Variants in CWC27 observed in about 807,000 individuals in gnomAD.
CWC27 encodes CWC27 spliceosome associated cyclophilin.
Under a neutral mutation model 63.6 loss-of-function variants are expected in CWC27, and 47 were observed. The observed-to-expected ratio is 0.74, with a 90% confidence interval of 0.58 to 0.94. The LOEUF (loss-of-function observed/expected upper bound fraction) is 0.94, where lower values mean the gene tolerates loss of function less well. CWC27 is among the 40% of genes least tolerant of loss of function. The pLI is 0.00. For synonymous variants in CWC27, 175 were observed against 179.8 expected (o/e 0.97, Z 0.22); for missense variants, 495 against 554.3 (o/e 0.89, Z 1.07).
intron 11 of CWC27, among the ~76,000 whole-genome samples, chr5:64,917,636 C>G (rs761810566): frequency 2.0e-5 from 3 of 152,068 alleles, no homozygotes; most frequent in Non-Finnish European, 4.4e-5. Flanking sequence ...AATTGAGGGC[C>G]TGAATAGAAC....
intron 11 of CWC27, among the ~76,000 whole-genome samples, chr5:64,923,033 C>T (rs1372070311): frequency 1.3e-5 from 2 of 152,136 alleles, no homozygotes; most frequent in African/African-American, 2.4e-5. Flanking sequence ...CAACAGTACT[C>T]TGTTGAGGGT....
At chr5:64,781,860 T>C in intron 2 of CWC27, 61 bp from the exon 3 acceptor site, 1 of 792,282 alleles carries the variant, frequency 1.3e-6, no homozygotes, top group Non-Finnish European at 2.0e-6. Context: ...TGTATTAATT[T>C]TGGTAACTGT....
At chr5:64,917,422 C>T (rs1747910998) in intron 11 of CWC27, among the ~76,000 whole-genome samples, 1 of 152,070 alleles carries the variant, frequency 6.6e-6, no homozygotes, top group South Asian at 2.1e-4. Context: ...GTTAGTTTTT[C>T]CAAGGAAGGA....
intron 13 of CWC27, among the ~76,000 whole-genome samples, chr5:64,999,955 C>T (rs896599991): frequency 6.6e-6 from 1 of 152,074 alleles, no homozygotes. Context: ...TTCACACCAA[C>T]AGTGTATAAG....
At chr5:64,818,790 G>A (rs1201481751) in intron 10 of CWC27, among the ~76,000 whole-genome samples, 5 of 152,176 alleles carry the variant, frequency 3.3e-5, no homozygotes, top group African/African-American at 4.8e-5. Flanking sequence ...GGATAACATT[G>A]CAGTTATTCA....
intron 11 of CWC27, among the ~76,000 whole-genome samples, chr5:64,898,292 A>G (rs1747426265): frequency 6.6e-6 from 1 of 152,296 alleles, no homozygotes; most frequent in Non-Finnish European, 1.5e-5. Flanking sequence ...GGAAATTACT[A>G]TAGAAGTTCC....
At chr5:64,887,663 A>G (rs1407549171) in intron 11 of CWC27, among the ~76,000 whole-genome samples, 1 of 152,124 alleles carries the variant, frequency 6.6e-6, no homozygotes, top group Non-Finnish European at 1.5e-5. Context: ...GATTCCTAAA[A>G]TTTTACTATG....
Position 64,788,943 on chromosome 5 carries a change from TGGA to T in CWC27, c.600-7_600-5del. ...TCTTTTTTTTTTTCTTTCTTTTTTT[TGGA>T]CTAGAAATTTTAGTTTACTTTCATT... On this transcript the variant is annotated splice_region_variant and splice_polypyrimidine_tract_variant and intron_variant, in intron 6 of 13. Coordinates refer to ENST00000381070, the MANE Select transcript of CWC27 (RefSeq NM_005869.4). 1 of 1,560,308 alleles carries T rather than the reference TGGA, an allele frequency of 6.4e-7. No individual in the cohort carries two copies. Among genetic ancestry groups the T allele is most frequent in the Non-Finnish European group, 8.7e-7 (1 of 1,151,158 alleles).
chr5:64,785,954 G>A (rs1173475441), intron 5 of CWC27, among the ~76,000 whole-genome samples: 3 of 151,906 alleles, frequency 2.0e-5, no homozygotes, highest in Non-Finnish European at 4.4e-5. Flanking sequence ...CATGAGGTCA[G>A]GAGATGGAGA....
At chr5:64,815,592 A>C (rs10054270) in intron 10 of CWC27, among the ~76,000 whole-genome samples, 59,344 of 152,038 alleles carry the variant, frequency 0.39, 12,608 homozygotes, top group African/African-American at 0.55. Context: ...GTCTACATCT[A>C]TGACTATGTA....
chr5:64,823,015 G>A (rs2112249545), intron 10 of CWC27, among the ~76,000 whole-genome samples: 1 of 152,270 alleles, frequency 6.6e-6, no homozygotes, highest in Admixed American at 6.5e-5. Context: ...AATGACAACT[G>A]TGATCTATGA....
intron 8 of CWC27, among the ~76,000 whole-genome samples, chr5:64,800,709 A>G (rs1744458173): frequency 6.6e-6 from 1 of 152,168 alleles, no homozygotes; most frequent in African/African-American, 2.4e-5. Context: ...GTTTTTGTGA[A>G]GAAGTTACCA....
intron 10 of CWC27, among the ~76,000 whole-genome samples, chr5:64,844,717 G>T (rs886399818): frequency 6.6e-6 from 1 of 152,200 alleles, no homozygotes; most frequent in African/African-American, 2.4e-5. Flanking sequence ...CAGCCAATAA[G>T]CCATTCCAGT....
At chr5:64,796,002 C>CGTGTGTGTGTGT (rs56699605) in intron 7 of CWC27, among the ~76,000 whole-genome samples, 4 of 135,884 alleles carry the variant, frequency 2.9e-5, no homozygotes, top group East Asian at 4.3e-4. Context: ...AGAAATTGTG[C>CGTGTGTGTGTGT]GTGTGTGTGT....
chr5:65,014,072 G>A (rs1750009690), intron 13 of CWC27, among the ~76,000 whole-genome samples: 1 of 151,298 alleles, frequency 6.6e-6, no homozygotes, highest in Non-Finnish European at 1.5e-5. Context: ...AAAATCAGTT[G>A]TTTACTTCTG....
chr5:64,780,047 A>G (rs1300472798), intron 2 of CWC27, among the ~76,000 whole-genome samples: 2 of 152,142 alleles, frequency 1.3e-5, no homozygotes, highest in African/African-American at 4.8e-5. Context: ...TAGCAGTGTG[A>G]GAATGGACTA....
Position 65,018,422 on chromosome 5 carries a change from T to A in CWC27, c.*101T>A. The A allele has an allele frequency of 2.0e-6, 2 of 1,017,934 alleles. No homozygotes were observed. The highest frequency in any genetic ancestry group is 5.7e-5 in the East Asian group (2 of 35,198). 63.1% of individuals were successfully genotyped at this position (1,017,934 alleles called of 1,614,324 possible). On this transcript the variant is annotated 3_prime_UTR_variant, in exon 14 of 14. Coordinates refer to ENST00000381070, the MANE Select transcript of CWC27 (RefSeq NM_005869.4). ...CATCACTTAGGGGTGTGAAAAGAAG[T>A]ATTTTTGAACCTGTTGTCTGGTTTT...
intron 1 of CWC27, among the ~76,000 whole-genome samples, chr5:64,774,067 CT>C (rs1160124342): frequency 6.6e-6 from 1 of 152,048 alleles, no homozygotes; most frequent in Admixed American, 6.6e-5. Context: ...GTTCATTATT[CT>C]TTAATTTCTT....
At chr5:64,806,388 G>A (rs1299994391) in intron 10 of CWC27, among the ~76,000 whole-genome samples, 1 of 152,148 alleles carries the variant, frequency 6.6e-6, no homozygotes, top group African/African-American at 2.4e-5. Flanking sequence ...CATGAGTATT[G>A]TGGACATTGT....
Sources: allele counts gnomAD v4.1 joint callset (sites outside exome capture counted in the v4.1 genomes callset), GRCh38; gene constraint gnomAD v4.1.1; transcripts MANE v1.5; gene names NCBI Gene and HGNC (gene_info 2026-07-23, HGNC 2026-07-21).